Variants in ASPHD1 observed in about 807,000 individuals in gnomAD.
ASPHD1 encodes the protein aspartate beta-hydroxylase domain-containing protein 1.
In ASPHD1, 20 loss-of-function variants were observed where a neutral mutation model predicts 28.3. That is an observed-to-expected ratio of 0.71 (90% CI 0.50 to 1.03). ASPHD1 has a LOEUF of 1.03. ASPHD1 is among the 50% of genes least tolerant of loss of function. The pLI is 0.00. For synonymous variants in ASPHD1, 240 were observed against 221.2 expected, an observed-to-expected ratio of 1.08 and a Z score of -0.75; for missense variants, 479 against 524.1, an observed-to-expected ratio of 0.91 and a Z score of 0.84.
At chr16:29,906,110 C>T, downstream of ASPHD1, 1 of 408,096 alleles carries the variant, frequency 2.5e-6, no homozygotes, top group South Asian at 4.9e-5. Flanking sequence ...TATGTCTTCT[C>T]CTAGTACAAC....
downstream of ASPHD1, among the ~76,000 whole-genome samples, chr16:29,910,473 C>T (rs900532432): frequency 2.6e-5 from 4 of 152,022 alleles, no homozygotes; most frequent in South Asian, 4.1e-4. Context: ...TCCTGAGTAG[C>T]TGGGATTACA....
At chr16:29,902,014 A>T in intron 1 of ASPHD1, 94 bp downstream of exon 1, 4 of 1,041,642 alleles carry the variant, frequency 3.8e-6, no homozygotes, top group Non-Finnish European at 5.1e-6. Flanking sequence ...TCTGGTTCTC[A>T]TTGTGCCTCT....
downstream of ASPHD1, chr16:29,906,543 G>A (rs1028338126): frequency 9.9e-5 from 49 of 493,494 alleles, no homozygotes; most frequent in African/African-American, 1.7e-4. Flanking sequence ...AGGAAGGGCC[G>A]CACACTTTGG....
chr16:29,903,375 T>A (rs1038135836), intron 1 of ASPHD1, among the ~76,000 whole-genome samples: 1 of 151,234 alleles, frequency 6.6e-6, no homozygotes, highest in Non-Finnish European at 1.5e-5. Context: ...GAAAAAAAAA[T>A]TGTGTAAAGA....
chr16:29,902,947 G>T (rs1004399258), intron 1 of ASPHD1, among the ~76,000 whole-genome samples: 10 of 148,838 alleles, frequency 6.7e-5, no homozygotes, highest in African/African-American at 2.5e-4. Flanking sequence ...GAGTGCAGTG[G>T]CACAAACATG....
At position 29,901,736 on chromosome 16, in the gene ASPHD1, C is replaced by T; in HGVS notation, c.765C>T (p.Tyr255=). ...CCGGGTGCTACCAGCTCCTGCTGTA[C>T]CAAGCAGGCCGGTGCCAACCCAGCA... ...LAPGCYQLLL[Y]QAGRCQPSNC... The change falls in exon 1 of 3, where the codon TAC becomes TAT. Residue 255 remains tyrosine, a synonymous_variant. Coordinates refer to ENST00000308748, the MANE Select transcript of ASPHD1 (RefSeq NM_181718.4). This position sits in a 1 kb window ranked among gnomAD's most constrained non-coding sequence, Gnocchi z 5.1. 6.4e-7 allele frequency: 1 copy of T among 1,558,542 alleles called. No homozygotes were observed. Among genetic ancestry groups the T allele is most frequent in the Non-Finnish European group, 8.7e-7 (1 of 1,154,458 alleles).
intron 1 of ASPHD1, among the ~76,000 whole-genome samples, chr16:29,902,879 TTTTC>T (rs2068566014): frequency 8.6e-6 from 1 of 116,716 alleles, no homozygotes; most frequent in Non-Finnish European, 1.9e-5. Flanking sequence ...AACTGAGATT[TTTTC>T]TTTTTCTTTT....
chr16:29,909,809 C>T (rs967451617), downstream of ASPHD1, among the ~76,000 whole-genome samples: 1 of 151,808 alleles, frequency 6.6e-6, no homozygotes, highest in Non-Finnish European at 1.5e-5. Flanking sequence ...GTGGCTCACA[C>T]CTATAATCCA....
chr16:29,906,747 C>T, downstream of ASPHD1: 1 of 754,954 alleles, frequency 1.3e-6, no homozygotes. Context: ...CTGTGCCATG[C>T]AATGAAGGGA....
chr16:29,905,576 C>T (rs773088724), intron 2 of ASPHD1, among the ~76,000 whole-genome samples: 9 of 141,504 alleles, frequency 6.4e-5, no homozygotes, highest in Non-Finnish European at 1.3e-4. Flanking sequence ...TGCAGTGAGC[C>T]GAAATTGCGC....
chr16:29,901,596 G>A lies in ASPHD1; in HGVS notation c.625G>A (p.Asp209Asn). 1 of 1,547,226 alleles carries A rather than the reference G, an allele frequency of 6.5e-7. No individual in the cohort carries two copies. The highest frequency in any genetic ancestry group is 8.7e-7 in the Non-Finnish European group (1 of 1,155,564). Residue 209 changes from aspartate to asparagine, a missense_variant, in exon 1 of 3, where the codon GAC (aspartate) becomes AAC (asparagine). Coordinates refer to ENST00000308748, the MANE Select transcript of ASPHD1 (RefSeq NM_181718.4). The surrounding 1 kb of genome is among the most constrained non-coding windows in gnomAD (Gnocchi z 5.1). The part of the protein sequence containing the change: ...PFVPRDAQRH[D>N]VELLESSFPA... ...TGTGCCGCGGGACGCCCAGCGGCAC[G>A]ACGTGGAGCTCCTGGAGAGCAGCTT...
downstream of ASPHD1, among the ~76,000 whole-genome samples, chr16:29,909,033 T>G (rs1179873812): frequency 6.7e-6 from 1 of 149,836 alleles, no homozygotes; most frequent in East Asian, 1.9e-4. Flanking sequence ...AGGATGTTTC[T>G]TGGAAGCTGG....
At chr16:29,909,391 G>GT (rs1427518937), downstream of ASPHD1, among the ~76,000 whole-genome samples, 1 of 152,158 alleles carries the variant, frequency 6.6e-6, no homozygotes, top group Non-Finnish European at 1.5e-5. Flanking sequence ...GAGGTAAGAG[G>GT]TAAGAAATAG....
chr16:29,912,284 T>G, intron 3 of ASPHD1: 1 of 572,338 alleles, frequency 1.7e-6, no homozygotes, highest in Non-Finnish European at 3.0e-6. Flanking sequence ...GGCCACTGGC[T>G]GTGCCCCTGC....
At chr16:29,912,565 T>C (rs1404842570) in intron 3 of ASPHD1, among the ~76,000 whole-genome samples, 1 of 152,170 alleles carries the variant, frequency 6.6e-6, no homozygotes, top group Admixed American at 6.5e-5. Flanking sequence ...CTCAGCCTCC[T>C]GAGTAGCTGG....
rs541788175 is a variant in ASPHD1, at chr16:29,905,894, T to C, written c.1170T>C (p.Pro390=). The C allele has an allele frequency of 9.3e-6, 15 of 1,611,576 alleles. No homozygotes were observed. In the South Asian group the frequency reaches 1.4e-4, roughly 15 times the overall value. Residue 390 remains proline (P), a synonymous_variant, in exon 3 of 3, where the codon CCT becomes CCC. Coordinates refer to ENST00000308748, the MANE Select transcript of ASPHD1 (RefSeq NM_181718.4). The part of the protein sequence containing the change: ...QALDFVFAPD[P] ...TCGACTTTGTCTTCGCCCCAGACCC[T>C]TGAAGGAAGGTGCTCCCTTCACACA...
At chr16:29,909,652 G>T (rs1338504649), downstream of ASPHD1, among the ~76,000 whole-genome samples, 1 of 151,578 alleles carries the variant, frequency 6.6e-6, no homozygotes, top group South Asian at 2.1e-4. Flanking sequence ...GAGGTTTTAA[G>T]AATCTATTTT....
rs548732385 is a variant in ASPHD1 at position 29,916,424 on chromosome 16, A to C, written c.*63-3107A>C. On this transcript the variant is annotated intron_variant and NMD_transcript_variant, in intron 3 of 3. Transcript: ENST00000414952. ...AACACTCCTTAAGCTTTTACTAACA[A>C]TCTCCTCAAAGTCCTTCCAGCTTCT... 4.8e-4 allele frequency among the ~76,000 whole-genome samples: 73 copies of C among 152,258 alleles called. 2 individuals are homozygous for C. The highest frequency in any genetic ancestry group is 1.7e-3 in the African/African-American group (72 of 41,556).
intron 3 of ASPHD1, chr16:29,911,801 A>T (rs776446063): frequency 1.2e-6 from 2 of 1,611,972 alleles, no homozygotes; most frequent in Non-Finnish European, 1.7e-6. Flanking sequence ...AGTGCCCCGC[A>T]CCCCGGCGGT....
Sources: gnomAD v4.1 joint callset for allele counts (sites outside exome capture counted in the v4.1 genomes callset) on GRCh38, gnomAD v4.1.1 for gene constraint, Gnocchi (gnomAD v3.1) non-coding constraint, MANE v1.5 for transcripts, NCBI Gene and HGNC (gene_info 2026-07-23, HGNC 2026-07-21) for gene names.